XYLT1: variants seen among roughly 807,000 people sequenced by gnomAD.
The protein encoded by XYLT1 is beta-D-xylosyltransferase 1.
Under a neutral mutation model 91.3 loss-of-function variants are expected in XYLT1, and 36 were observed. That is an observed-to-expected ratio of 0.39 (90% confidence interval 0.30 to 0.52). The LOEUF (loss-of-function observed/expected upper bound fraction) is 0.52, where lower values mean the gene tolerates loss of function less well. Ranked by LOEUF, XYLT1 falls within the 20% of genes least tolerant of loss-of-function variation. The probability of loss-of-function intolerance (pLI) is 0.68; values close to 1 mark genes in which losing one functional copy is unlikely to be tolerated. For missense variants in XYLT1, 1,242 were observed against 1,284.5 expected (o/e 0.97, Z 0.51); for synonymous variants, 588 against 532.0 (o/e 1.11, Z -1.45).
At chr16:17,454,955 G>C (rs1013425866) in intron 1 of XYLT1, among the ~76,000 whole-genome samples, 5 of 116,762 alleles carry the variant, frequency 4.3e-5, no homozygotes, top group African/African-American at 1.4e-4. Flanking sequence ...TCCATCCTTA[G>C]CTCACAGGCC....
In XYLT1 at chr16:17,143,329, G is replaced by A. The variant is rs562994907; in HGVS notation, c.1371-1960C>T. On this transcript the variant is annotated intron_variant, in intron 6 of 11. Transcript: ENST00000261381. ...CACTATCACCATTTTCACGTATTAC[G>A]TGCCAGGTACTGTGCTGGCCCATGG... Among the ~76,000 whole-genome samples the A allele has an allele frequency of 1.1e-4, 17 of 151,870 alleles. No homozygotes were observed. The South Asian group carries it at 1.7e-3, about 15-fold the overall frequency.
At chr16:17,416,500 T>G (rs2036181966) in intron 1 of XYLT1, among the ~76,000 whole-genome samples, 1 of 152,124 alleles carries the variant, frequency 6.6e-6, no homozygotes, top group Non-Finnish European at 1.5e-5. Context: ...TGGGAGGGAC[T>G]GAGAAAGGAG....
At chr16:17,387,395 G>A (rs768383612) in intron 1 of XYLT1, among the ~76,000 whole-genome samples, 3 of 152,004 alleles carry the variant, frequency 2.0e-5, no homozygotes, top group Non-Finnish European at 4.4e-5. Context: ...GGGGATATTC[G>A]CCACCCCCCA....
intron 2 of XYLT1, among the ~76,000 whole-genome samples, chr16:17,341,283 T>C (rs1289571524): frequency 6.6e-6 from 1 of 152,204 alleles, no homozygotes; most frequent in African/African-American, 2.4e-5. Flanking sequence ...ATGAAATATT[T>C]AGTGCATTTA....
Position 17,102,063 on chromosome 16 carries a change from TTGC to T in XYLT1, c.*6629_*6631del, listed in dbSNP as rs1221982986. ...ACCAGGAGGTACTTATAGGAGGTTG[TTGC>T]TATAATCCAGTTAGAAGATGACAGC... On this transcript the variant is annotated 3_prime_UTR_variant, in exon 12 of 12. Coordinates refer to ENST00000261381, the MANE Select transcript of XYLT1 (RefSeq NM_022166.4). The T allele has an allele frequency of 6.6e-6, 1 of 152,220 alleles. No individual in the cohort carries two copies. Among genetic ancestry groups the T allele is most frequent in the Non-Finnish European group, 1.5e-5 (1 of 68,046 alleles). 9.4% of individuals were successfully genotyped at this position (152,220 alleles called of 1,614,324 possible).
At chr16:17,299,815 C>T (rs939428603) in intron 2 of XYLT1, among the ~76,000 whole-genome samples, 9 of 152,142 alleles carry the variant, frequency 5.9e-5, no homozygotes, top group African/African-American at 1.4e-4. Context: ...TTCAGAAAGA[C>T]GAGGGACACA....
intron 3 of XYLT1, among the ~76,000 whole-genome samples, chr16:17,235,103 G>T (rs562822359): frequency 2.0e-5 from 3 of 151,012 alleles, no homozygotes; most frequent in South Asian, 2.1e-4. Flanking sequence ...TTTATTCCTC[G>T]CTTTGTTTTA....
chr16:17,131,130 G>A (rs1206432032), intron 9 of XYLT1, among the ~76,000 whole-genome samples: 6 of 152,094 alleles, frequency 3.9e-5, no homozygotes, highest in South Asian at 2.1e-4. Context: ...GCTGACACAC[G>A]ATAGCTACTC....
At chr16:17,152,272 G>A (rs2031300450) in intron 6 of XYLT1, among the ~76,000 whole-genome samples, 2 of 152,198 alleles carry the variant, frequency 1.3e-5, no homozygotes, top group South Asian at 4.1e-4. Flanking sequence ...AACACACGCT[G>A]AGGCCCAGGG....
At chr16:17,293,235 G>C (rs1323302726) in intron 2 of XYLT1, among the ~76,000 whole-genome samples, 2 of 152,124 alleles carry the variant, frequency 1.3e-5, no homozygotes, top group Non-Finnish European at 2.9e-5. Flanking sequence ...GCAGGACAGG[G>C]TATCATGGCA....
chr16:17,138,785 C>CTGACTGTCAAGGGACTCTTATGTTCT, intron 7 of XYLT1: 1 of 418,870 alleles, frequency 2.4e-6, no homozygotes, highest in South Asian at 3.3e-5. Flanking sequence ...ACACAACTAC[C>CTGACTGTCAAGGGACTCTTATGTTCT]TGACTGTCAA....
At chr16:17,331,004 G>A (rs1322508365) in intron 2 of XYLT1, among the ~76,000 whole-genome samples, 4 of 152,164 alleles carry the variant, frequency 2.6e-5, no homozygotes, top group South Asian at 2.1e-4. Flanking sequence ...ATGTTCCACC[G>A]CCCTGCACAA....
chr16:17,170,562 G>C (rs2031798306), intron 5 of XYLT1, among the ~76,000 whole-genome samples: 1 of 152,134 alleles, frequency 6.6e-6, no homozygotes, highest in South Asian at 2.1e-4. Flanking sequence ...CCTTTGCCTA[G>C]AGAACTCCTG....
At chr16:17,162,624 A>G (rs919591734) in intron 5 of XYLT1, among the ~76,000 whole-genome samples, 9 of 152,180 alleles carry the variant, frequency 5.9e-5, no homozygotes, top group South Asian at 4.1e-4. Context: ...AGTGCAGAAG[A>G]AAAAAAATAC....
chr16:17,210,814 C>T (rs2032743330), intron 3 of XYLT1, among the ~76,000 whole-genome samples: 1 of 152,148 alleles, frequency 6.6e-6, no homozygotes, highest in African/African-American at 2.4e-5. Context: ...TCAATTCTTA[C>T]CCACCTCTCC....
chr16:17,186,088 G>C (rs550532565), intron 5 of XYLT1, among the ~76,000 whole-genome samples: 1 of 152,162 alleles, frequency 6.6e-6, no homozygotes, highest in Admixed American at 6.5e-5. Context: ...ATCTGGAACG[G>C]AACTCTAGAT....
chr16:17,360,790 C>T (rs12373093), intron 1 of XYLT1, among the ~76,000 whole-genome samples: 1 of 152,070 alleles, frequency 6.6e-6, no homozygotes, highest in Non-Finnish European at 1.5e-5. Flanking sequence ...TAAATTGGGA[C>T]TCTTTGGTTT....
chr16:17,259,335 T>C lies in XYLT1; in HGVS notation c.566A>G (p.Gln189Arg), dbSNP rs757877161. ...CAGCTTCCTTTTCAAAAGCTCCTTCTGTCTACTCGGTGGCTTCTTCGCCAA... is the reference window on the plus strand; with the variant it reads ...CAGCTTCCTTTTCAAAAGCTCCTTCCGTCTACTCGGTGGCTTCTTCGCCAA... The part of the protein sequence containing the change: ...PELAKKPPSR[Q>R]KELLKRKLEQ... Residue 189 changes from glutamine (Q) to arginine (R), a missense_variant, in exon 3 of 12, where the codon CAG (glutamine) becomes CGG (arginine). Coordinates refer to ENST00000261381, the MANE Select transcript of XYLT1 (RefSeq NM_022166.4). The C allele has an allele frequency of 6.8e-6, 11 of 1,614,060 alleles. No individual in the cohort carries two copies. The Admixed American group carries it at 1.8e-4, about 27-fold the overall frequency.
At chr16:17,354,340 G>A (rs76554765) in intron 2 of XYLT1, among the ~76,000 whole-genome samples, 2,544 of 152,304 alleles carry the variant, frequency 0.017, 35 homozygotes, top group Middle Eastern at 0.027. Context: ...TGTGCTAATG[G>A]TAAAGAGCAT....
Sources: gnomAD v4.1 joint callset for allele counts (sites outside exome capture counted in the v4.1 genomes callset) on GRCh38, gnomAD v4.1.1 for gene constraint, MANE v1.5 for transcripts, NCBI Gene and HGNC (gene_info 2026-07-23, HGNC 2026-07-21) for gene names.